The following NARS2 variants were observed in gnomAD, a reference collection of about 807,000 sequenced individuals.
The protein encoded by NARS2 is asparaginyl-tRNA synthetase 2, mitochondrial, also known as asparaginyl-tRNA synthetase.
In NARS2, 60 loss-of-function variants were observed where a neutral mutation model predicts 62.9. The observed-to-expected ratio is 0.95, with a 90% confidence interval of 0.77 to 1.18. The LOEUF (loss-of-function observed/expected upper bound fraction) is 1.18. NARS2 is among the 50% of genes most tolerant of loss of function. The pLI is 0.00. For synonymous variants in NARS2, 196 were observed against 200.0 expected, an observed-to-expected ratio of 0.98 and a Z score of 0.17; for missense variants, 619 against 576.4, an observed-to-expected ratio of 1.07 and a Z score of -0.76.
chr11:78,551,712 G>A (rs1024579997), intron 5 of NARS2, among the ~76,000 whole-genome samples: 10 of 152,042 alleles, frequency 6.6e-5, no homozygotes, highest in African/African-American at 1.7e-4. Flanking sequence ...TTAGCCGGGC[G>A]TGGTGGCAGG....
intron 7 of NARS2, among the ~76,000 whole-genome samples, chr11:78,485,348 C>A (rs1222369754): frequency 6.6e-6 from 1 of 151,952 alleles, no homozygotes; most frequent in African/African-American, 2.4e-5. Flanking sequence ...CACATGTATA[C>A]CTATGTAACA....
intron 5 of NARS2, among the ~76,000 whole-genome samples, chr11:78,548,696 A>T (rs1010139553): frequency 6.6e-6 from 1 of 152,242 alleles, no homozygotes; most frequent in African/African-American, 2.4e-5. Flanking sequence ...AAAAGTAGCC[A>T]AGAGGTGGCT....
intron 5 of NARS2, among the ~76,000 whole-genome samples, chr11:78,541,153 T>C (rs974281654): frequency 2.6e-5 from 4 of 151,706 alleles, no homozygotes; most frequent in Admixed American, 6.6e-5. Flanking sequence ...ACAGTGAAAC[T>C]CCATCTCAAA....
intron 5 of NARS2, among the ~76,000 whole-genome samples, chr11:78,539,464 G>GA (rs893278128): frequency 2.0e-5 from 3 of 152,032 alleles, no homozygotes; most frequent in African/African-American, 4.8e-5. Flanking sequence ...GGCTTTGGAG[G>GA]AAAAAATCAA....
intron 5 of NARS2, among the ~76,000 whole-genome samples, chr11:78,541,927 T>G (rs912518554): frequency 1.3e-5 from 2 of 152,222 alleles, no homozygotes; most frequent in Non-Finnish European, 2.9e-5. Flanking sequence ...CATTCTATTT[T>G]GCCGGTTATG....
At chr11:78,453,687 A>C (rs1325875431) in intron 11 of NARS2, among the ~76,000 whole-genome samples, 1 of 152,230 alleles carries the variant, frequency 6.6e-6, no homozygotes, top group Non-Finnish European at 1.5e-5. Flanking sequence ...CAGAAGAAAA[A>C]GAATGTTCCA....
In NARS2 at chr11:78,478,581, T is replaced by C. The variant is rs1054343786; in HGVS notation, c.921+4A>G. 8 of 1,587,472 alleles carry C rather than the reference T, an allele frequency of 5.0e-6. No homozygotes were observed. The highest frequency in any genetic ancestry group is 1.7e-4 in the Middle Eastern group (1 of 5,996). On this transcript the variant is annotated splice_donor_region_variant and intron_variant, in intron 8 of 13. Transcript: ENST00000281038. ...TATTGGGCTTTATCCATAAAACTAATTACCTTTTGGCCAGGTGCTATGAAT... is the reference window on the plus strand; with the variant it reads ...TATTGGGCTTTATCCATAAAACTAACTACCTTTTGGCCAGGTGCTATGAAT...
At chr11:78,521,768 C>T (rs1438858825) in intron 6 of NARS2, among the ~76,000 whole-genome samples, 9 of 115,516 alleles carry the variant, frequency 7.8e-5, no homozygotes, top group South Asian at 5.4e-4. Context: ...CCAGCCTGGG[C>T]GACAGAGCGA....
At chr11:78,536,356 C>G (rs1340084676) in intron 5 of NARS2, among the ~76,000 whole-genome samples, 1 of 152,146 alleles carries the variant, frequency 6.6e-6, no homozygotes, top group South Asian at 2.1e-4. Flanking sequence ...AGGAGGTATT[C>G]TAGAAGAAGG....
chr11:78,504,326 T>A (rs1860400856), intron 6 of NARS2, among the ~76,000 whole-genome samples: 1 of 152,074 alleles, frequency 6.6e-6, no homozygotes, highest in Admixed American at 6.6e-5. Context: ...ACCTCTTAAA[T>A]GTGAAATAAG....
intron 4 of NARS2, among the ~76,000 whole-genome samples, chr11:78,564,392 T>C (rs757728849): frequency 2.0e-5 from 3 of 151,998 alleles, no homozygotes; most frequent in Admixed American, 6.6e-5. Flanking sequence ...AGTCTCACTA[T>C]GTTGCCTAGG....
chr11:78,496,939 T>G (rs1038136060), intron 6 of NARS2, among the ~76,000 whole-genome samples: 3 of 152,046 alleles, frequency 2.0e-5, no homozygotes, highest in African/African-American at 7.2e-5. Context: ...TCCACAGACA[T>G]GAAAGCCATT....
intron 9 of NARS2, among the ~76,000 whole-genome samples, chr11:78,469,764 CAGAG>C (rs140547889): frequency 2.0e-5 from 3 of 146,386 alleles, no homozygotes; most frequent in South Asian, 2.2e-4. Flanking sequence ...ATGTGTGTGT[CAGAG>C]AGAGAGAGAG....
intron 7 of NARS2, 40 bp downstream of exon 7, chr11:78,493,023 A>C: frequency 1.4e-6 from 2 of 1,453,136 alleles, no homozygotes; most frequent in Non-Finnish European, 1.8e-6. Flanking sequence ...AAACATTTTA[A>C]TGTCACAGAT....
At chr11:78,509,359 T>C (rs1325441559) in intron 6 of NARS2, among the ~76,000 whole-genome samples, 1 of 152,152 alleles carries the variant, frequency 6.6e-6, no homozygotes, top group Non-Finnish European at 1.5e-5. Context: ...GAAATGAAAG[T>C]ACACTAGGCA....
At chr11:78,463,712 T>TAAAAAAAA (rs1364576593) in intron 11 of NARS2, among the ~76,000 whole-genome samples, 1 of 5,504 alleles carries the variant, frequency 1.8e-4, no homozygotes. Flanking sequence ...ATAGTTAAGG[T>TAAAAAAAA]CAAAAAAAAA....
intron 13 of NARS2, among the ~76,000 whole-genome samples, chr11:78,438,607 T>C (rs528498458): frequency 3.9e-5 from 6 of 152,230 alleles, no homozygotes; most frequent in African/African-American, 1.4e-4. Context: ...TTTGCTTTGA[T>C]AGATGAAAAA....
At chr11:78,474,229 A>G (rs956738835) in intron 9 of NARS2, among the ~76,000 whole-genome samples, 15 of 152,176 alleles carry the variant, frequency 9.9e-5, no homozygotes, top group African/African-American at 3.6e-4. Flanking sequence ...AAGGCAGAGT[A>G]TTTTTTTATA....
At chr11:78,512,100 G>C (rs1401039362) in intron 6 of NARS2, among the ~76,000 whole-genome samples, 1 of 152,096 alleles carries the variant, frequency 6.6e-6, no homozygotes, top group Admixed American at 6.5e-5. Context: ...CAGCTCTTAG[G>C]GCAGATTATA....
Sources: allele counts gnomAD v4.1 joint callset (sites outside exome capture counted in the v4.1 genomes callset), GRCh38; gene constraint gnomAD v4.1.1; transcripts MANE v1.5; gene names NCBI Gene and HGNC (gene_info 2026-07-23, HGNC 2026-07-21).